Variants in MACROD2 observed in about 807,000 individuals in gnomAD.
MACROD2 encodes the protein mono-ADP ribosylhydrolase 2.
A neutral mutation model predicts 70.4 loss-of-function variants in MACROD2; 36 were observed. The ratio of observed to expected loss-of-function variants is 0.51; its 90% CI spans 0.39 to 0.68. The LOEUF (loss-of-function observed/expected upper bound fraction) is 0.68, where lower values mean the gene tolerates loss of function less well. MACROD2 is among the 30% of genes least tolerant of loss of function. MACROD2 has a pLI of 0.00. For missense variants in MACROD2, 496 were observed against 538.4 expected (o/e 0.92, Z 0.78); for synonymous variants, 172 against 178.8 (o/e 0.96, Z 0.30).
chr20:14,569,487 A>T (rs528303036), intron 4 of MACROD2, among the ~76,000 whole-genome samples: 2 of 151,960 alleles, frequency 1.3e-5, no homozygotes, highest in Non-Finnish European at 2.9e-5. Flanking sequence ...CTGTGTGCCT[A>T]TTCAGTATCC....
chr20:15,713,528 C>T (rs1181258077), intron 8 of MACROD2, among the ~76,000 whole-genome samples: 2 of 141,480 alleles, frequency 1.4e-5, no homozygotes, highest in Admixed American at 7.4e-5. Context: ...GTCTTCACCT[C>T]GATGGCAGGA....
intron 3 of MACROD2, among the ~76,000 whole-genome samples, chr20:14,351,245 T>C (rs1478594242): frequency 1.3e-5 from 2 of 152,152 alleles, no homozygotes; most frequent in African/African-American, 4.8e-5. Context: ...TTTTTTGTTG[T>C]TGTTGTTCCA....
chr20:15,615,644 A>G (rs935229969), intron 8 of MACROD2, among the ~76,000 whole-genome samples: 9 of 152,144 alleles, frequency 5.9e-5, no homozygotes, highest in Non-Finnish European at 1.2e-4. Context: ...GCCACACACT[A>G]CCACACCCAC....
chr20:14,298,462 G>A (rs1222687873), intron 3 of MACROD2, among the ~76,000 whole-genome samples: 2 of 151,480 alleles, frequency 1.3e-5, no homozygotes, highest in Non-Finnish European at 2.9e-5. Flanking sequence ...TAGCTACTCA[G>A]GAGGCTGAGG....
intron 5 of MACROD2, among the ~76,000 whole-genome samples, chr20:15,160,196 C>T (rs781088266): frequency 5.3e-5 from 8 of 151,928 alleles, no homozygotes; most frequent in Non-Finnish European, 1.5e-5. Flanking sequence ...GATAAGGAGG[C>T]TCTTACAATT....
rs16995771 is a variant in MACROD2, at chr20:15,451,155, C to T, written c.571+19720C>T. ...TCAGAGGAAGAAAGATGGGCTGCCT[C>T]GGTGCATTTTCCATTTGCCCGTGAT... On this transcript the variant is annotated intron_variant, in intron 7 of 17. Coordinates refer to ENST00000684519, the MANE Select transcript of MACROD2 (RefSeq NM_001351661.2). Among the ~76,000 whole-genome samples, 189 of 151,908 alleles carry T rather than the reference C, an allele frequency of 1.2e-3. 1 individual carries two copies. In the East Asian group the frequency reaches 0.034, roughly 27 times the overall value.
intron 8 of MACROD2, among the ~76,000 whole-genome samples, chr20:15,627,228 C>CAAA (rs33936061): frequency 2.1e-5 from 2 of 93,966 alleles, no homozygotes; most frequent in Non-Finnish European, 2.3e-5. Context: ...AAAAGATTAC[C>CAAA]AAAAAAAAAA....
chr20:15,395,763 A>G (rs1283999370), intron 6 of MACROD2, among the ~76,000 whole-genome samples: 2 of 152,214 alleles, frequency 1.3e-5, no homozygotes, highest in East Asian at 3.9e-4. Context: ...TAAGATGCCA[A>G]TAGGTTAATG....
At chr20:15,306,901 A>T (rs1425777128) in intron 6 of MACROD2, among the ~76,000 whole-genome samples, 1 of 152,172 alleles carries the variant, frequency 6.6e-6, no homozygotes, top group Admixed American at 6.5e-5. Flanking sequence ...CAGAATGTCC[A>T]AGCATGGCAA....
At chr20:14,962,454 T>C (rs1169592458) in intron 5 of MACROD2, among the ~76,000 whole-genome samples, 9 of 143,784 alleles carry the variant, frequency 6.3e-5, no homozygotes, top group African/African-American at 2.2e-4. Context: ...AGTATTTATA[T>C]ATATATATAG....
At chr20:15,548,874 C>G (rs2048059405) in intron 8 of MACROD2, among the ~76,000 whole-genome samples, 1 of 152,204 alleles carries the variant, frequency 6.6e-6, no homozygotes, top group Admixed American at 6.5e-5. Context: ...TACATAGACT[C>G]TCTGACCAAC....
intron 3 of MACROD2, among the ~76,000 whole-genome samples, chr20:14,107,290 T>C (rs2054382028): frequency 6.6e-6 from 1 of 152,158 alleles, no homozygotes; most frequent in Admixed American, 6.5e-5. Flanking sequence ...AATAGCAGAA[T>C]TGATCCAGCA....
chr20:15,871,600 G>A (rs141991747), intron 9 of MACROD2, among the ~76,000 whole-genome samples: 1 of 152,282 alleles, frequency 6.6e-6, no homozygotes, highest in African/African-American at 2.4e-5. Flanking sequence ...GGAATTCAGA[G>A]GCAAATGTGT....
At chr20:15,455,173 G>A (rs543288518) in intron 7 of MACROD2, among the ~76,000 whole-genome samples, 5 of 152,278 alleles carry the variant, frequency 3.3e-5, no homozygotes, top group East Asian at 1.9e-4. Flanking sequence ...GACACTGGGC[G>A]TGCAGGCAGT....
chr20:15,426,434 T>C (rs2046299215), intron 6 of MACROD2, among the ~76,000 whole-genome samples: 1 of 152,000 alleles, frequency 6.6e-6, no homozygotes, highest in African/African-American at 2.4e-5. Flanking sequence ...AGCCTCAACA[T>C]CCTGGGCTCA....
At chr20:15,916,965 G>A (rs998369399) in intron 10 of MACROD2, among the ~76,000 whole-genome samples, 5 of 151,854 alleles carry the variant, frequency 3.3e-5, no homozygotes, top group Non-Finnish European at 4.4e-5. Context: ...GGCCACATGT[G>A]GCCTCTGCCA....
chr20:14,260,271 G>A (rs1157603313), intron 3 of MACROD2, among the ~76,000 whole-genome samples: 1 of 152,068 alleles, frequency 6.6e-6, no homozygotes, highest in Non-Finnish European at 1.5e-5. Context: ...TTTATATGAA[G>A]GTACATAACA....
At position 14,083,168 on chromosome 20, in the gene MACROD2, G is replaced by A. The variant is rs535605451; in HGVS notation, c.164-2453G>A. On this transcript the variant is annotated intron_variant, in intron 2 of 17. Transcript: ENST00000684519. Reference sequence around the variant, plus strand: ...TAGTTTTGGCCAGGTGTGGTGGCTCGCGCTTGTAATCCCAGCACTTTGGGA... The same window carrying A: ...TAGTTTTGGCCAGGTGTGGTGGCTCACGCTTGTAATCCCAGCACTTTGGGA... 1.5e-3 allele frequency among the ~76,000 whole-genome samples: 222 copies of A among 149,470 alleles called. 2 individuals are homozygous for A. Among genetic ancestry groups the A allele is most frequent in the Non-Finnish European group, 2.2e-3 (149 of 67,634 alleles).
chr20:14,824,850 T>C (rs1381237452), intron 5 of MACROD2, among the ~76,000 whole-genome samples: 1 of 152,024 alleles, frequency 6.6e-6, no homozygotes, highest in East Asian at 1.9e-4. Context: ...GCAGAAAAAA[T>C]AGTGTTTATT....
Sources: allele counts gnomAD v4.1 joint callset (sites outside exome capture counted in the v4.1 genomes callset), GRCh38; gene constraint gnomAD v4.1.1; transcripts MANE v1.5; gene names NCBI Gene and HGNC (gene_info 2026-07-23, HGNC 2026-07-21).